The following ATP8A2 variants were observed in gnomAD, a reference collection of about 807,000 sequenced individuals.
The protein encoded by ATP8A2 is ATPase phospholipid transporting 8A2.
In ATP8A2, 100 loss-of-function variants were observed where a neutral mutation model predicts 165.6. That is an observed-to-expected ratio of 0.60 (90% CI 0.51 to 0.71). The LOEUF (loss-of-function observed/expected upper bound fraction) is 0.71. Among genes scored for constraint, ATP8A2 ranks in the 30% least tolerant of loss-of-function variants. ATP8A2 has a pLI of 0.00. For missense variants in ATP8A2, 1,227 were observed against 1,479.5 expected, an observed-to-expected ratio of 0.83 and a Z score of 2.80; for synonymous variants, 543 against 548.8, an observed-to-expected ratio of 0.99 and a Z score of 0.15.
intron 33 of ATP8A2, among the ~76,000 whole-genome samples, chr13:25,892,235 C>CA (rs1953387483): frequency 6.6e-6 from 1 of 152,054 alleles, no homozygotes; most frequent in South Asian, 2.1e-4. Flanking sequence ...CCTCAGCCTC[C>CA]AAAGTGCTGG....
chr13:25,419,857 T>G (rs1393541576), intron 1 of ATP8A2, among the ~76,000 whole-genome samples: 2 of 152,032 alleles, frequency 1.3e-5, no homozygotes, highest in Non-Finnish European at 2.9e-5. Flanking sequence ...CAGGAAAGAG[T>G]GCTCTGCAAA....
chr13:25,468,831 G>A (rs989484355), intron 1 of ATP8A2, 146 bp from the exon 2 acceptor site: 7 of 1,313,894 alleles, frequency 5.3e-6, no homozygotes, highest in African/African-American at 1.5e-5. Context: ...CGTCTCCAGG[G>A]GGAGCCAAGG....
rs116193666 is a variant in ATP8A2, at chr13:25,567,795, G to A, written c.1474-2972G>A. Among the ~76,000 whole-genome samples the A allele has an allele frequency of 2.3e-3, 353 of 152,276 alleles. 3 individuals carry two copies. The highest frequency in any genetic ancestry group is 7.6e-3 in the African/African-American group (317 of 41,554). On this transcript the variant is annotated intron_variant, in intron 16 of 36. Transcript: ENST00000381655. Reference sequence around the variant, plus strand: ...TAACATCTAGCTGCACTACAATAATGAAGACCATAGAATAGGCTCCAATAT... The same window carrying A: ...TAACATCTAGCTGCACTACAATAATAAAGACCATAGAATAGGCTCCAATAT...
At chr13:25,455,865 C>T (rs929273130) in intron 1 of ATP8A2, among the ~76,000 whole-genome samples, 7 of 152,206 alleles carry the variant, frequency 4.6e-5, no homozygotes, top group African/African-American at 1.7e-4. Flanking sequence ...CAAGTTTCCA[C>T]TACTAGATCA....
chr13:25,952,639 T>C (rs1161595735), intron 33 of ATP8A2, among the ~76,000 whole-genome samples: 3 of 152,148 alleles, frequency 2.0e-5, no homozygotes, highest in Admixed American at 6.5e-5. Context: ...CCCAAAGCGC[T>C]GGAATGACAC....
chr13:25,510,778 A>C (rs2037201522), intron 2 of ATP8A2, among the ~76,000 whole-genome samples: 1 of 152,246 alleles, frequency 6.6e-6, no homozygotes, highest in Non-Finnish European at 1.5e-5. Flanking sequence ...TGTTCTAAAA[A>C]AAAGCTCCTT....
intron 25 of ATP8A2, among the ~76,000 whole-genome samples, chr13:25,753,184 G>A (rs1449570619): frequency 2.0e-5 from 3 of 152,212 alleles, no homozygotes; most frequent in Admixed American, 6.5e-5. Context: ...CCAACAGCAC[G>A]TCCAAGAACA....
At chr13:25,918,509 T>G (rs1566267845) in intron 33 of ATP8A2, among the ~76,000 whole-genome samples, 1 of 152,198 alleles carries the variant, frequency 6.6e-6, no homozygotes, top group Non-Finnish European at 1.5e-5. Context: ...CCAATGTCTG[T>G]TACCCAGGAC....
intron 1 of ATP8A2, among the ~76,000 whole-genome samples, chr13:25,408,325 G>A (rs1280791200): frequency 3.3e-5 from 5 of 151,944 alleles, no homozygotes; most frequent in African/African-American, 9.7e-5. Flanking sequence ...CCCAGGAGGC[G>A]GAGGTTGCAG....
intron 27 of ATP8A2, among the ~76,000 whole-genome samples, chr13:25,825,998 T>C (rs952871836): frequency 9.9e-5 from 15 of 152,282 alleles, no homozygotes; most frequent in Admixed American, 2.6e-4. Context: ...ACAGGAGGAA[T>C]AAGTTGTTTG....
chr13:25,465,700 TTTCTTTC>T lies in ATP8A2; in HGVS notation c.77-3274_77-3268del, dbSNP rs1566153177. 4.5e-3 allele frequency among the ~76,000 whole-genome samples: 94 copies of T among 20,958 alleles called. 5 individuals are homozygous for T. Among genetic ancestry groups the T allele is most frequent in the South Asian group, 8.7e-3 (4 of 460 alleles). 13.7% of individuals were successfully genotyped at this position (20,958 alleles called of 152,430 possible). A position where few individuals can be genotyped will look rare whatever the true frequency, so the allele number is the denominator to read the frequency against. On this transcript the variant is annotated intron_variant, in intron 1 of 36. Transcript: ENST00000381655. Reference sequence around the variant, plus strand: ...CTTTCTTTCTTTCTTTCTTTCTTTCTTTCTTTCTTTCTTTCTTTCTTTCTTTCTTTCT... The same window carrying T: ...CTTTCTTTCTTTCTTTCTTTCTTTCTTTTCTTTCTTTCTTTCTTTCTTTCT...
Position 25,372,175 on chromosome 13 carries a change from C to T in ATP8A2, c.-38C>T. On this transcript the variant is annotated 5_prime_UTR_variant, in exon 1 of 37. Transcript: ENST00000381655. The surrounding 1 kb of genome is among the most constrained non-coding windows in gnomAD (Gnocchi z 4.8). Reference sequence around the variant, plus strand: ...GCCCAGCCCTGCGCGTAGCCTCCGTCTCTCGCCCGGGGCCGCCGAGCCCCC... The same window carrying T: ...GCCCAGCCCTGCGCGTAGCCTCCGTTTCTCGCCCGGGGCCGCCGAGCCCCC... The T allele has an allele frequency of 1.0e-5, 14 of 1,395,678 alleles. No individual in the cohort carries two copies. The highest frequency in any genetic ancestry group is 1.2e-5 in the Non-Finnish European group (13 of 1,059,028). The allele number at this position is 1,395,678 out of a possible 1,614,324, so 86.5% of individuals were successfully genotyped here. A position where few individuals can be genotyped will look rare whatever the true frequency, so the allele number is the denominator to read the frequency against.
intron 33 of ATP8A2, among the ~76,000 whole-genome samples, chr13:25,940,246 C>T (rs889727066): frequency 2.0e-5 from 3 of 152,092 alleles, no homozygotes; most frequent in Non-Finnish European, 2.9e-5. Flanking sequence ...GGCTCTTCAG[C>T]GTCCTCCTCG....
chr13:25,867,354 G>T (rs531426970), intron 33 of ATP8A2, among the ~76,000 whole-genome samples: 1 of 152,230 alleles, frequency 6.6e-6, no homozygotes, highest in East Asian at 1.9e-4. Flanking sequence ...TGTGAAATTT[G>T]CAAAGACTGA....
intron 24 of ATP8A2, among the ~76,000 whole-genome samples, chr13:25,629,602 G>A (rs143124709): frequency 1.3e-5 from 2 of 152,226 alleles, no homozygotes; most frequent in East Asian, 3.9e-4. Context: ...ATGATCTGTA[G>A]CAGTTTGCTG....
intron 33 of ATP8A2, among the ~76,000 whole-genome samples, chr13:25,863,042 G>T (rs1375134853): frequency 1.6e-4 from 24 of 152,140 alleles, no homozygotes; most frequent in African/African-American, 5.3e-4. Flanking sequence ...ATTGGGTGTG[G>T]AGAGGAATGA....
At position 25,860,786 on chromosome 13, in the gene ATP8A2, T is replaced by C. The variant is rs762574853; in HGVS notation, c.3019-18T>C. On this transcript the variant is annotated intron_variant, in intron 31 of 36. Coordinates refer to ENST00000381655, the MANE Select transcript of ATP8A2 (RefSeq NM_016529.6). The stretch of plus-strand genomic sequence containing the variant: ...CATTGAGAATAATGTGTTTCCAAAC[T>C]GTCTTTTATTTTCACAGTATGTTGT... The C allele has an allele frequency of 5.1e-6, 8 of 1,578,228 alleles. No individual in the cohort carries two copies. Among genetic ancestry groups the C allele is most frequent in the Admixed American group, 1.8e-5 (1 of 56,988 alleles).
intron 24 of ATP8A2, among the ~76,000 whole-genome samples, chr13:25,688,569 A>T (rs545780010): frequency 0.011 from 1,690 of 152,378 alleles, 10 homozygotes; most frequent in Non-Finnish European, 0.019. Flanking sequence ...ACTCTCATGT[A>T]GAAAGTATTT....
intron 2 of ATP8A2, among the ~76,000 whole-genome samples, chr13:25,508,085 A>G (rs973376614): frequency 4.6e-5 from 7 of 152,208 alleles, no homozygotes; most frequent in Non-Finnish European, 1.0e-4. Context: ...ACTGTAAAAA[A>G]AAACTGTTAA....
Sources: allele counts gnomAD v4.1 joint callset (sites outside exome capture counted in the v4.1 genomes callset), GRCh38; gene constraint gnomAD v4.1.1; non-coding constraint Gnocchi (gnomAD v3.1); transcripts MANE v1.5; gene names NCBI Gene and HGNC (gene_info 2026-07-23, HGNC 2026-07-21).